The following SNX5 variants were observed in gnomAD, a reference collection of about 807,000 sequenced individuals.
The protein encoded by SNX5 is sorting nexin 5.
In SNX5, 31 loss-of-function variants were observed where a neutral mutation model predicts 53.9. The observed-to-expected ratio is 0.58, with a 90% confidence interval of 0.43 to 0.78. The LOEUF is 0.78. Ranked by LOEUF, SNX5 falls within the 30% of genes least tolerant of loss-of-function variation. The pLI, the probability that SNX5 is intolerant of heterozygous loss-of-function variation, is 0.00. For synonymous variants in SNX5, 168 were observed against 171.1 expected, an observed-to-expected ratio of 0.98 and a Z score of 0.14; for missense variants, 471 against 478.8, an observed-to-expected ratio of 0.98 and a Z score of 0.15.
At chr20:17,952,450 A>G in intron 5 of SNX5, 137 bp downstream of exon 5, 1 of 841,912 alleles carries the variant, frequency 1.2e-6, no homozygotes, top group Non-Finnish European at 1.7e-6. Flanking sequence ...ATGACTTACA[A>G]TGAAGGAAAA....
In SNX5 at chr20:17,968,446, G is replaced by C. The variant is rs976023444; in HGVS notation, c.-21C>G. The C allele has an allele frequency of 1.0e-5, 13 of 1,289,934 alleles. No homozygotes were observed. The highest frequency in any genetic ancestry group is 1.3e-5 in the Non-Finnish European group (13 of 1,016,352). The allele number at this position is 1,289,934 out of a possible 1,614,324, so 79.9% of individuals were successfully genotyped here. On this transcript the variant is annotated 5_prime_UTR_variant, in exon 1 of 13. Transcript: ENST00000377759. The stretch of plus-strand genomic sequence containing the variant: ...GCCATGGCGACGCGGGACTCGAGCA[G>C]GGGCCGCCTGGCTGTGCGAGGAAAG...
At chr20:17,965,763 G>T (rs1377442201) in intron 1 of SNX5, among the ~76,000 whole-genome samples, 1 of 152,038 alleles carries the variant, frequency 6.6e-6, no homozygotes, top group African/African-American at 2.4e-5. Context: ...CACAAATGGG[G>T]ATCTTAAGAC....
At chr20:17,955,564 A>G (rs2122386747) in intron 2 of SNX5, 89 bp from the exon 3 acceptor site, 2 of 752,284 alleles carry the variant, frequency 2.7e-6, no homozygotes. Context: ...AAAATTCTGC[A>G]TAATACATCA....
chr20:17,957,090 T>C, intron 1 of SNX5, 53 bp from the exon 2 acceptor site: 1 of 1,077,954 alleles, frequency 9.3e-7, no homozygotes, highest in Non-Finnish European at 1.4e-6. Context: ...CCTAAAAAAT[T>C]ATTCCAAAAA....
intron 1 of SNX5, among the ~76,000 whole-genome samples, chr20:17,964,454 A>C (rs780116209): frequency 2.0e-5 from 3 of 152,078 alleles, no homozygotes; most frequent in Non-Finnish European, 4.4e-5. Context: ...ACTGCAACTT[A>C]CTCCTCCTGG....
chr20:17,952,029 T>C (rs993376878), intron 5 of SNX5, among the ~76,000 whole-genome samples: 11 of 152,088 alleles, frequency 7.2e-5, no homozygotes, highest in East Asian at 1.9e-4. Context: ...CGAGACCATC[T>C]TGGCTAACGC....
intron 1 of SNX5, among the ~76,000 whole-genome samples, chr20:17,967,474 T>C (rs1439478252): frequency 1.3e-5 from 2 of 152,194 alleles, no homozygotes; most frequent in Non-Finnish European, 2.9e-5. Flanking sequence ...GATGAACAAG[T>C]TTCTCTATGG....
chr20:17,966,847 A>G (rs774528949), intron 1 of SNX5, among the ~76,000 whole-genome samples: 8 of 152,240 alleles, frequency 5.3e-5, no homozygotes, highest in Non-Finnish European at 8.8e-5. Flanking sequence ...CCTTTCAGTT[A>G]ACCATAACAC....
intron 1 of SNX5, among the ~76,000 whole-genome samples, chr20:17,957,643 T>C (rs1466465390): frequency 5.3e-5 from 8 of 152,078 alleles, no homozygotes; most frequent in South Asian, 2.1e-4. Flanking sequence ...CTGAACTAAA[T>C]AGAACAAAAT....
chr20:17,967,930 G>A lies in SNX5; in HGVS notation c.51+445C>T, dbSNP rs375783557. ...TGATGCAATTTCCCAAGTTGTTTGG[G>A]CCCCCCCCCCAAAAAAGTCTTCTCA... On this transcript the variant is annotated intron_variant, in intron 1 of 12. Coordinates refer to ENST00000377759, the MANE Select transcript of SNX5 (RefSeq NM_014426.4). 3.0e-3 allele frequency: 1,066 copies of A among 355,810 alleles called. 9 individuals are homozygous for A. Among genetic ancestry groups the A allele is most frequent in the African/African-American group, 0.02 (945 of 46,720 alleles). 22.0% of individuals were successfully genotyped at this position (355,810 alleles called of 1,614,324 possible). A position where few individuals can be genotyped will look rare whatever the true frequency, so the allele number is the denominator to read the frequency against.
In SNX5 at chr20:17,948,966, C is replaced by A. The variant is rs2039526288; in HGVS notation, c.842G>T (p.Gly281Val). The A allele has an allele frequency of 6.2e-7, 1 of 1,612,528 alleles. No individual in the cohort carries two copies. The highest frequency in any genetic ancestry group is 2.0e-4 in the Middle Eastern group (1 of 4,948). The change falls in exon 10 of 13, where the codon GGT becomes GTT. Residue 281 changes from glycine to valine, a missense_variant. Gly to Val is a moderately radical substitution (Grantham distance 109, BLOSUM62 -3). Transcript: ENST00000377759. ...CAAATCTTCATCTGATGAAACTCGA[C>A]CCTCTACTTTCTATATAGAAAAGGA... is the stretch of plus-strand genomic sequence containing the variant. ...ELFEKLRKVE[G>V]RVSSDEDLKL...
chr20:17,951,921 A>G (rs1319519489), intron 5 of SNX5, among the ~76,000 whole-genome samples: 1 of 152,232 alleles, frequency 6.6e-6, no homozygotes, highest in Non-Finnish European at 1.5e-5. Flanking sequence ...AAAGAAAAAT[A>G]GCATAAAAGT....
intron 3 of SNX5, 64 bp from the exon 4 acceptor site, chr20:17,954,181 T>C: frequency 6.3e-7 from 1 of 1,595,218 alleles, no homozygotes; most frequent in Non-Finnish European, 8.5e-7. Flanking sequence ...AGTTGGTGCC[T>C]CATTCTACTC....
rs59252584 is a variant in SNX5, at chr20:17,956,673, CAAAAAAAAAAAAAAAAAA to C, written c.156+242_156+259del. On this transcript the variant is annotated intron_variant, in intron 2 of 12. Transcript: ENST00000377759. ...CTGGGCAACACAATGAGACTGTCTC[CAAAAAAAAAAAAAAAAAA>C]AAAAAAAAAAAAACAAAAAAACAAT... 7.8e-3 allele frequency among the ~76,000 whole-genome samples: 665 copies of C among 84,918 alleles called. 9 individuals are homozygous for C. Among genetic ancestry groups the C allele is most frequent in the African/African-American group, 0.031 (643 of 21,054 alleles). The allele number at this position is 84,918 out of a possible 152,430, so 55.7% of individuals were successfully genotyped here.
chr20:17,962,830 C>A (rs1338642552), intron 1 of SNX5: 1 of 519,022 alleles, frequency 1.9e-6, no homozygotes, highest in African/African-American at 1.9e-5. Context: ...TAGAACACTG[C>A]AGACTGCAGG....
Position 17,952,513 on chromosome 20 carries a change from T to C in SNX5, c.513+74A>G, listed in dbSNP as rs531158504. ...TAAGAAATTCAAAACTTTAAAGCAGTAGAAACTATCAAGTACATTTTGAAA... is the reference window on the plus strand; with the variant it reads ...TAAGAAATTCAAAACTTTAAAGCAGCAGAAACTATCAAGTACATTTTGAAA... On this transcript the variant is annotated intron_variant, in intron 5 of 12. Transcript: ENST00000377759. The C allele has an allele frequency of 2.7e-5, 39 of 1,419,636 alleles. No homozygotes were observed. In the African/African-American group the frequency reaches 4.3e-4, roughly 16 times the overall value. 87.9% of individuals were successfully genotyped at this position (1,419,636 alleles called of 1,614,324 possible). A position where few individuals can be genotyped will look rare whatever the true frequency, so the allele number is the denominator to read the frequency against.
At chr20:17,956,905 G>T in intron 2 of SNX5, 28 bp downstream of exon 2, 1 of 1,116,766 alleles carries the variant, frequency 9.0e-7, no homozygotes, top group Non-Finnish European at 1.4e-6. Context: ...ACCTAGCACT[G>T]TATGTATTAC....
At chr20:17,951,427 C>A (rs2039566117) in intron 6 of SNX5, 73 bp downstream of exon 6, 1 of 866,878 alleles carries the variant, frequency 1.2e-6, no homozygotes, top group South Asian at 1.4e-5. Context: ...ACAAGTATCT[C>A]TTTCAAAGAA....
At position 17,950,192 on chromosome 20, in the gene SNX5, T is replaced by C. The variant is rs146672356; in HGVS notation, c.731A>G (p.Tyr244Cys). The C allele has an allele frequency of 1.6e-3, 2,550 of 1,614,188 alleles. 5 individuals are homozygous for C. Among genetic ancestry groups the C allele is most frequent in the Non-Finnish European group, 2.0e-3 (2,372 of 1,180,014 alleles). The change falls in exon 8 of 13, where the codon TAT becomes TGT. Residue 244 changes from tyrosine to cysteine, a missense_variant. By Grantham distance (194) the Tyr-to-Cys change is radical. Coordinates refer to ENST00000377759, the MANE Select transcript of SNX5 (RefSeq NM_014426.4). ...TRSHKNVADD[Y>C]IHTAACLHSL... The stretch of plus-strand genomic sequence containing the variant: ...ATGTAAGCAGGCTGCGGTGTGGATA[T>C]AGTCATCGGCAACATCTGCAGAAAC...
Sources: gnomAD v4.1 joint callset for allele counts (sites outside exome capture counted in the v4.1 genomes callset) on GRCh38, gnomAD v4.1.1 for gene constraint, MANE v1.5 for transcripts, NCBI Gene and HGNC (gene_info 2026-07-23, HGNC 2026-07-21) for gene names.